ERBB4: variants seen among roughly 807,000 people sequenced by gnomAD.
ERBB4 encodes the protein erb-b2 receptor tyrosine kinase 4, also known as receptor tyrosine-protein kinase erbB-4.
In ERBB4, 42 loss-of-function variants were observed where a neutral mutation model predicts 158.0. The ratio of observed to expected loss-of-function variants is 0.27; its 90% CI spans 0.21 to 0.34. The LOEUF is 0.34. Among genes scored for constraint, ERBB4 ranks in the 10% least tolerant of loss-of-function variants. The pLI is 1.00. For synonymous variants in ERBB4, 583 were observed against 558.7 expected, an observed-to-expected ratio of 1.04 and a Z score of -0.61; for missense variants, 1,333 against 1,624.1, an observed-to-expected ratio of 0.82 and a Z score of 3.08.
chr2:212,029,028 C>T (rs1052269005), intron 2 of ERBB4, among the ~76,000 whole-genome samples: 1 of 152,044 alleles, frequency 6.6e-6, no homozygotes, highest in Non-Finnish European at 1.5e-5. Flanking sequence ...TGTAAGTTTA[C>T]CATTGCCATG....
chr2:211,431,194 C>A (rs1298584656), intron 20 of ERBB4, 94 bp from the exon 21 acceptor site: 2 of 1,153,004 alleles, frequency 1.7e-6, no homozygotes, highest in Non-Finnish European at 1.3e-6. Flanking sequence ...GTTGGAAGTG[C>A]CTAATTTTTT....
chr2:211,786,304 T>C (rs538197339), intron 4 of ERBB4, among the ~76,000 whole-genome samples: 2 of 152,238 alleles, frequency 1.3e-5, no homozygotes, highest in East Asian at 3.9e-4. Flanking sequence ...GATAAAACCA[T>C]AATAGTCAAA....
chr2:211,863,022 C>T (rs1259561994), intron 3 of ERBB4, among the ~76,000 whole-genome samples: 1 of 151,560 alleles, frequency 6.6e-6, no homozygotes, highest in African/African-American at 2.4e-5. Context: ...CTCTGTCTAG[C>T]TAAAGGATTG....
intron 1 of ERBB4, among the ~76,000 whole-genome samples, chr2:212,165,383 C>T (rs1399539206): frequency 1.3e-5 from 2 of 151,840 alleles, no homozygotes; most frequent in African/African-American, 4.8e-5. Flanking sequence ...GTCTCACTCA[C>T]TTCACCATAA....
intron 1 of ERBB4, among the ~76,000 whole-genome samples, chr2:212,294,816 G>A (rs1263953327): frequency 6.6e-6 from 1 of 152,006 alleles, no homozygotes; most frequent in African/African-American, 2.4e-5. Flanking sequence ...TTGCCTACTC[G>A]AAACAGCTTC....
intron 1 of ERBB4, among the ~76,000 whole-genome samples, chr2:212,387,539 T>C (rs554512268): frequency 6.6e-6 from 1 of 151,844 alleles, no homozygotes; most frequent in South Asian, 2.1e-4. Context: ...TACCTCAGCC[T>C]CCCGAGTAGC....
chr2:211,571,040 T>C (rs1179987514), intron 19 of ERBB4, among the ~76,000 whole-genome samples: 2 of 64,882 alleles, frequency 3.1e-5, no homozygotes, highest in Non-Finnish European at 5.7e-5. Context: ...GTACTCTTCT[T>C]CTTTTTTTTT....
chr2:212,316,754 T>A (rs953317962), intron 1 of ERBB4, among the ~76,000 whole-genome samples: 1 of 151,480 alleles, frequency 6.6e-6, no homozygotes, highest in Admixed American at 6.6e-5. Flanking sequence ...TAAAAAACAC[T>A]TGCTTGTGAT....
At chr2:212,411,850 A>G (rs1015319179) in intron 1 of ERBB4, among the ~76,000 whole-genome samples, 3 of 152,140 alleles carry the variant, frequency 2.0e-5, no homozygotes, top group Non-Finnish European at 4.4e-5. Context: ...ATGCTATACT[A>G]TATTATAAAG....
chr2:212,432,450 A>T (rs1398878394), intron 1 of ERBB4, among the ~76,000 whole-genome samples: 3 of 152,098 alleles, frequency 2.0e-5, no homozygotes, highest in Non-Finnish European at 2.9e-5. Context: ...GCCAACTGTG[A>T]ATCAGTTTAT....
intron 2 of ERBB4, among the ~76,000 whole-genome samples, chr2:212,055,294 G>A (rs576949614): frequency 1.6e-4 from 25 of 152,324 alleles, no homozygotes; most frequent in Admixed American, 2.6e-4. Context: ...AAACAAAGCG[G>A]CCAGGAAGCT....
intron 25 of ERBB4, among the ~76,000 whole-genome samples, chr2:211,410,487 C>CATTT (rs1182855516): frequency 6.6e-6 from 1 of 152,116 alleles, no homozygotes; most frequent in Non-Finnish European, 1.5e-5. Flanking sequence ...ATAAGATTAA[C>CATTT]ATTTATTACA....
intron 20 of ERBB4, among the ~76,000 whole-genome samples, chr2:211,434,345 A>C (rs1203240204): frequency 6.6e-6 from 1 of 152,122 alleles, no homozygotes; most frequent in Non-Finnish European, 1.5e-5. Context: ...TTGAAAAGTG[A>C]TTAGGTCATG....
intron 1 of ERBB4, among the ~76,000 whole-genome samples, chr2:212,496,888 C>T (rs980409687): frequency 1.3e-5 from 2 of 152,028 alleles, no homozygotes; most frequent in Non-Finnish European, 2.9e-5. Context: ...TTAAAAATAA[C>T]TATATTTTTA....
intron 20 of ERBB4, among the ~76,000 whole-genome samples, chr2:211,465,222 G>T (rs1424926585): frequency 6.6e-6 from 1 of 151,964 alleles, no homozygotes; most frequent in Non-Finnish European, 1.5e-5. Flanking sequence ...AAAACCACGT[G>T]GAGGATTCGC....
At chr2:212,350,612 A>C (rs2089210682) in intron 1 of ERBB4, among the ~76,000 whole-genome samples, 1 of 152,168 alleles carries the variant, frequency 6.6e-6, no homozygotes, top group Non-Finnish European at 1.5e-5. Context: ...ATATTAGAAA[A>C]TTGTAAAGCG....
rs57792963 is a variant in ERBB4 at position 211,839,140 on chromosome 2, AGG to A, written c.422-50983_422-50982del. On this transcript the variant is annotated intron_variant, in intron 3 of 27. Coordinates refer to ENST00000342788, the MANE Select transcript of ERBB4 (RefSeq NM_005235.3). ...AATAAAGAGAGAGAGAGAGGGAGAG[AGG>A]GAGAGAGAGAAGGAGGAGGAGGAGG... Among the ~76,000 whole-genome samples the A allele has an allele frequency of 2.9e-3, 363 of 123,998 alleles. 3 individuals carry two copies. The highest frequency in any genetic ancestry group is 0.015 in the Middle Eastern group (4 of 274). The allele number at this position is 123,998 out of a possible 152,430, so 81.3% of individuals were successfully genotyped here.
chr2:211,658,263 A>G (rs2071292574), intron 15 of ERBB4, among the ~76,000 whole-genome samples: 3 of 152,204 alleles, frequency 2.0e-5, no homozygotes, highest in African/African-American at 7.2e-5. Flanking sequence ...CTCACTTCTA[A>G]TACTTTGAAC....
At chr2:212,162,884 G>T (rs2081242837) in intron 1 of ERBB4, among the ~76,000 whole-genome samples, 1 of 151,884 alleles carries the variant, frequency 6.6e-6, no homozygotes, top group Admixed American at 6.6e-5. Context: ...TGAAATTCAG[G>T]TAAACAATTT....
Sources: gnomAD v4.1 joint callset for allele counts (sites outside exome capture counted in the v4.1 genomes callset) on GRCh38, gnomAD v4.1.1 for gene constraint, MANE v1.5 for transcripts, NCBI Gene and HGNC (gene_info 2026-07-23, HGNC 2026-07-21) for gene names.